KLHL1: variants seen among roughly 807,000 people sequenced by gnomAD.
KLHL1 encodes the protein kelch-like protein 1.
KLHL1 carries 47 observed loss-of-function variants against 77.7 expected under a neutral mutation model. The ratio of observed to expected loss-of-function variants is 0.60; its 90% CI spans 0.48 to 0.77. The LOEUF (loss-of-function observed/expected upper bound fraction) is 0.77, where lower values mean the gene tolerates loss of function less well. KLHL1 is among the 30% of genes least tolerant of loss of function. The pLI is 0.00. For synonymous variants in KLHL1, 360 were observed against 325.2 expected (o/e 1.11, Z -1.15); for missense variants, 925 against 910.8 (o/e 1.02, Z -0.20).
chr13:69,841,287 C>G (rs961561825), intron 5 of KLHL1, among the ~76,000 whole-genome samples: 2 of 151,764 alleles, frequency 1.3e-5, no homozygotes, highest in African/African-American at 4.8e-5. Context: ...CTCCTGTTTA[C>G]TGATTATATA....
intron 5 of KLHL1, among the ~76,000 whole-genome samples, chr13:69,846,195 A>G (rs2911508): frequency 0.93 from 141,382 of 151,502 alleles, 66,218 homozygotes; most frequent in East Asian, 0.99. Context: ...GATACAGAGC[A>G]TAAGACTTTT....
intron 1 of KLHL1, among the ~76,000 whole-genome samples, chr13:70,014,770 G>T (rs1202484999): frequency 6.6e-6 from 1 of 152,050 alleles, no homozygotes; most frequent in African/African-American, 2.4e-5. Flanking sequence ...TGAGCTTCTA[G>T]GGATGAAACA....
intron 6 of KLHL1, among the ~76,000 whole-genome samples, chr13:69,809,437 A>G (rs1323855351): frequency 6.6e-6 from 1 of 152,184 alleles, no homozygotes; most frequent in African/African-American, 2.4e-5. Flanking sequence ...GCCAGCCAAG[A>G]ATTTCATATT....
Position 69,845,724 on chromosome 13 carries a change from A to T in KLHL1, c.1228-6562T>A, listed in dbSNP as rs1037621760. 3.3e-5 allele frequency among the ~76,000 whole-genome samples: 5 copies of T among 151,436 alleles called. No individual in the cohort carries two copies. The Admixed American group carries it at 3.3e-4, about 10-fold the overall frequency. ...AATGATGATAAAATTTAATACTAACATGAATATTTCTATGAAGGTAATGAA... is the reference window on the plus strand; with the variant it reads ...AATGATGATAAAATTTAATACTAACTTGAATATTTCTATGAAGGTAATGAA... On this transcript the variant is annotated intron_variant, in intron 5 of 10. Transcript: ENST00000377844.
chr13:69,749,789 C>T (rs1031333200), intron 7 of KLHL1, among the ~76,000 whole-genome samples: 5 of 151,842 alleles, frequency 3.3e-5, no homozygotes, highest in Admixed American at 2.0e-4. Context: ...ATTGTTATTT[C>T]TGTATCAATG....
chr13:69,940,296 T>C, intron 3 of KLHL1, 60 bp from the exon 4 acceptor site: 1 of 1,295,260 alleles, frequency 7.7e-7, no homozygotes, highest in South Asian at 1.5e-5. Flanking sequence ...ATATGTATCA[T>C]AACACTACAC....
chr13:69,968,807 C>T (rs753278757), intron 2 of KLHL1, among the ~76,000 whole-genome samples: 6 of 151,910 alleles, frequency 3.9e-5, no homozygotes, highest in Non-Finnish European at 8.8e-5. Context: ...TTTTCTTAAT[C>T]GAGCCTATCA....
intron 3 of KLHL1, among the ~76,000 whole-genome samples, chr13:69,943,636 ATT>A (rs1883431660): frequency 6.6e-6 from 1 of 152,072 alleles, no homozygotes; most frequent in South Asian, 2.1e-4. Flanking sequence ...TTGTATATCA[ATT>A]TTTGTTTCTT....
intron 4 of KLHL1, among the ~76,000 whole-genome samples, chr13:69,897,318 C>A (rs1881682136): frequency 6.6e-6 from 1 of 152,218 alleles, no homozygotes; most frequent in African/African-American, 2.4e-5. Context: ...GGTCCCTTGG[C>A]AATGTGTCTT....
At chr13:70,027,933 C>T (rs1266249841) in intron 1 of KLHL1, among the ~76,000 whole-genome samples, 3 of 152,088 alleles carry the variant, frequency 2.0e-5, no homozygotes, top group Non-Finnish European at 4.4e-5. Flanking sequence ...GGTAAACCTA[C>T]TGTCTGAGAA....
chr13:69,921,623 T>A (rs2138264783), intron 4 of KLHL1, among the ~76,000 whole-genome samples: 1 of 152,268 alleles, frequency 6.6e-6, no homozygotes, highest in Non-Finnish European at 1.5e-5. Context: ...TTCTATATAT[T>A]GTGGGGAAGT....
chr13:69,961,180 T>C, intron 3 of KLHL1, 128 bp downstream of exon 3: 1 of 751,444 alleles, frequency 1.3e-6, no homozygotes, highest in Non-Finnish European at 2.1e-6. Context: ...ATTTTTGATC[T>C]ACTAGTTTTC....
chr13:69,895,293 C>A (rs17085605), intron 4 of KLHL1, among the ~76,000 whole-genome samples: 6,681 of 152,098 alleles, frequency 0.044, 219 homozygotes, highest in African/African-American at 0.083. Context: ...GAGGTTCACA[C>A]TTCTTTTCTT....
chr13:69,913,602 T>C (rs1016338093), intron 4 of KLHL1, among the ~76,000 whole-genome samples: 2 of 152,180 alleles, frequency 1.3e-5, no homozygotes, highest in African/African-American at 4.8e-5. Context: ...TTTTGGAAAA[T>C]ATGATTCCCA....
intron 4 of KLHL1, among the ~76,000 whole-genome samples, chr13:69,890,562 T>C (rs1001278774): frequency 6.6e-6 from 1 of 151,962 alleles, no homozygotes; most frequent in African/African-American, 2.4e-5. Flanking sequence ...GTAATTTTCT[T>C]TCATCCAAGG....
At chr13:69,950,506 C>T (rs1883673025) in intron 3 of KLHL1, among the ~76,000 whole-genome samples, 1 of 151,464 alleles carries the variant, frequency 6.6e-6, no homozygotes, top group Non-Finnish European at 1.5e-5. Context: ...TCACTAATTT[C>T]CATGGAGTTT....
Position 69,933,916 on chromosome 13 carries a change from C to T in KLHL1, c.1014+6124G>A, listed in dbSNP as rs902204799. 6.6e-5 allele frequency among the ~76,000 whole-genome samples: 10 copies of T among 151,456 alleles called. No individual in the cohort carries two copies. In the East Asian group the frequency reaches 9.7e-4, roughly 15 times the overall value. ...ATTTTGTGTCTCGGTATCAGGAATT[C>T]GACTTAATATTATGGGCAATATGTA... On this transcript the variant is annotated intron_variant, in intron 4 of 10. Coordinates refer to ENST00000377844, the MANE Select transcript of KLHL1 (RefSeq NM_020866.3).
At chr13:69,795,534 C>T (rs887592008) in intron 7 of KLHL1, among the ~76,000 whole-genome samples, 6 of 152,176 alleles carry the variant, frequency 3.9e-5, no homozygotes, top group African/African-American at 1.4e-4. Context: ...CCTCATAAGA[C>T]AAAGTGTAAA....
chr13:70,005,422 C>T (rs1447145274), intron 1 of KLHL1, among the ~76,000 whole-genome samples: 1 of 151,962 alleles, frequency 6.6e-6, no homozygotes, highest in African/African-American at 2.4e-5. Context: ...TAGAACGTGG[C>T]CCAACACAAA....
Sources: gnomAD v4.1 joint callset for allele counts (sites outside exome capture counted in the v4.1 genomes callset) on GRCh38, gnomAD v4.1.1 for gene constraint, MANE v1.5 for transcripts, NCBI Gene and HGNC (gene_info 2026-07-23, HGNC 2026-07-21) for gene names.